The following GSDME variants were observed in gnomAD, a reference collection of about 807,000 sequenced individuals.
The protein encoded by GSDME is gasdermin-E.
Under a neutral mutation model 47.5 loss-of-function variants are expected in GSDME, and 44 were observed. That is an observed-to-expected ratio of 0.93 (90% CI 0.73 to 1.19). The LOEUF is 1.19. Ranked by LOEUF, GSDME falls within the 50% of genes most tolerant of loss-of-function variation. The pLI is 0.00. For synonymous variants in GSDME, 258 were observed against 252.8 expected (o/e 1.02, Z -0.20); for missense variants, 663 against 604.2 (o/e 1.10, Z -1.02).
At chr7:24,701,090 T>G (rs1290575152) in intron 9 of GSDME, among the ~76,000 whole-genome samples, 1 of 152,194 alleles carries the variant, frequency 6.6e-6, no homozygotes, top group Non-Finnish European at 1.5e-5. Context: ...CTCTCAAAGT[T>G]ACCCTGGCTA....
At position 24,733,346 on chromosome 7, in the gene GSDME, G is replaced by C. The variant is rs968220877; in HGVS notation, c.404+11216C>G. Among the ~76,000 whole-genome samples, 3 of 152,038 alleles carry C rather than the reference G, an allele frequency of 2.0e-5. No individual in the cohort carries two copies. The highest frequency in any genetic ancestry group is 7.2e-5 in the African/African-American group (3 of 41,384). Reference sequence around the variant, plus strand: ...CCCAGCTGTGGTCAGGTGTGACTCGGCACTTTCACAGCTGTGCTGGCTATG... The same window carrying C: ...CCCAGCTGTGGTCAGGTGTGACTCGCCACTTTCACAGCTGTGCTGGCTATG... On this transcript the variant is annotated intron_variant, in intron 3 of 9. Transcript: ENST00000645220. This position sits in a 1 kb window ranked among gnomAD's most constrained non-coding sequence, Gnocchi z 4.3.
intron 2 of GSDME, among the ~76,000 whole-genome samples, chr7:24,749,329 C>T (rs763405328): frequency 1.3e-5 from 2 of 152,014 alleles, no homozygotes; most frequent in African/African-American, 2.4e-5. Flanking sequence ...CGGTGAAACA[C>T]TGTCTCTACT....
Position 24,705,882 on chromosome 7 carries a change from G to A in GSDME, c.1183+302C>T. 2.1e-6 allele frequency: 1 copy of A among 465,506 alleles called. No homozygotes were observed. 28.8% of individuals were successfully genotyped at this position (465,506 alleles called of 1,614,324 possible). On this transcript the variant is annotated intron_variant, in intron 8 of 9. Coordinates refer to ENST00000645220, the MANE Select transcript of GSDME (RefSeq NM_001127453.2). This position sits in a 1 kb window ranked among gnomAD's most constrained non-coding sequence, Gnocchi z 4.1. ...GGGACTCCGGAGTGAACCACAGCCT[G>A]TCAGGGAGATGCTTGCTTTTGTAGG...
At chr7:24,774,414 C>T in the GSDME span, among the ~76,000 whole-genome samples, 2 of 150,898 alleles carry the variant, frequency 1.3e-5, no homozygotes, top group Non-Finnish European at 3.0e-5. Context: ...TCCCAAAATA[C>T]TTCATGCTTT....
chr7:24,788,490 C>T, the GSDME span, among the ~76,000 whole-genome samples: 1 of 152,206 alleles, frequency 6.6e-6, no homozygotes, highest in East Asian at 1.9e-4. The surrounding 1 kb of genome is among the most constrained non-coding windows in gnomAD (Gnocchi z 4.6). Context: ...TATAAGTAGT[C>T]CCTTCATTTA....
At chr7:24,768,313 T>A in the GSDME span, among the ~76,000 whole-genome samples, 1 of 151,898 alleles carries the variant, frequency 6.6e-6, no homozygotes, top group African/African-American at 2.4e-5. The surrounding 1 kb of genome is among the most constrained non-coding windows in gnomAD (Gnocchi z 5.6). Context: ...ATGGTAAGAT[T>A]TAGCATAGGG....
rs764666243 is a variant in GSDME, at chr7:24,744,708, G to C, written c.258C>G (p.Asn86Lys). 1 of 1,614,126 alleles carries C rather than the reference G, an allele frequency of 6.2e-7. No individual in the cohort carries two copies. The highest frequency in any genetic ancestry group is 8.5e-7 in the Non-Finnish European group (1 of 1,180,034). The change falls in exon 3 of 10, where the codon AAC becomes AAG. Residue 86 changes from asparagine (N) to lysine (K), a missense_variant. Coordinates refer to ENST00000645220, the MANE Select transcript of GSDME (RefSeq NM_001127453.2). This position sits in a 1 kb window ranked among gnomAD's most constrained non-coding sequence, Gnocchi z 4.5. ...CAGTCTCCAGGGTTCCACTCACGTG[G>C]TTTGCAAACTTGCCCTCGTATTTCA... ...DFVKYEGKFANHVSGTLETAL... is the reference protein window; with the variant it reads ...DFVKYEGKFAKHVSGTLETAL...
chr7:24,701,563 C>A (rs1229499243), intron 9 of GSDME, among the ~76,000 whole-genome samples: 2 of 151,992 alleles, frequency 1.3e-5, no homozygotes, highest in East Asian at 3.8e-4. Context: ...TTGGGAAGGA[C>A]TAACTTAGTA....
At chr7:24,700,478 A>T (rs139108943) in intron 9 of GSDME, among the ~76,000 whole-genome samples, 1 of 152,188 alleles carries the variant, frequency 6.6e-6, no homozygotes, top group Non-Finnish European at 1.5e-5. Context: ...TAAGCCTAGA[A>T]AGTTTGCCTG....
chr7:24,708,161 A>G lies in GSDME; in HGVS notation c.956T>C (p.Phe319Ser), dbSNP rs376722649. Residue 319 changes from phenylalanine (F) to serine (S), a missense_variant, in exon 7 of 10, where the codon TTT (phenylalanine) becomes TCT (serine). Phe to Ser is a radical substitution (Grantham distance 155). Coordinates refer to ENST00000645220, the MANE Select transcript of GSDME (RefSeq NM_001127453.2). ...ALSDIFQAVL[F>S]DDELLMVLEP... ...CAGGACCATGAGTAGTTCATCATCA[A>G]ATAGGACCGCCTGGAAGATGTCACT... The G allele has an allele frequency of 2.3e-5, 37 of 1,614,032 alleles. No homozygotes were observed. The African/African-American group carries it at 2.7e-4, about 12-fold the overall frequency.
At position 24,725,700 on chromosome 7, in the gene GSDME, T is replaced by C. The variant is rs1300647577; in HGVS notation, c.405-6482A>G. 6.6e-6 allele frequency among the ~76,000 whole-genome samples: 1 copy of C among 152,210 alleles called. No individual in the cohort carries two copies. Among genetic ancestry groups the C allele is most frequent in the Non-Finnish European group, 1.5e-5 (1 of 68,042 alleles). On this transcript the variant is annotated intron_variant, in intron 3 of 9. Transcript: ENST00000645220. The surrounding 1 kb of genome is among the most constrained non-coding windows in gnomAD (Gnocchi z 5.1). ...TTTCACAGTGCTTTTCTATACAGTGTCTGTAATGTATAGATAACATAACTG... is the reference window on the plus strand; with the variant it reads ...TTTCACAGTGCTTTTCTATACAGTGCCTGTAATGTATAGATAACATAACTG...
chr7:24,731,455 C>T (rs1019182684), intron 3 of GSDME, among the ~76,000 whole-genome samples: 5 of 152,190 alleles, frequency 3.3e-5, no homozygotes, highest in Non-Finnish European at 5.9e-5. Context: ...ACCTCCTCCA[C>T]GGGAGAGGAA....
At chr7:24,749,500 A>C in intron 2 of GSDME, 64 bp downstream of exon 2, 2 of 798,268 alleles carry the variant, frequency 2.5e-6, no homozygotes, top group Non-Finnish European at 3.5e-6. Flanking sequence ...TCTGTGTCAA[A>C]AAAAAAAAAA....
chr7:24,743,398 G>T (rs1790549235), intron 3 of GSDME, among the ~76,000 whole-genome samples: 1 of 152,174 alleles, frequency 6.6e-6, no homozygotes, highest in Non-Finnish European at 1.5e-5. Context: ...AAATTACACA[G>T]GAAAATGCAC....
chr7:24,701,010 AC>A (rs1788842970), intron 9 of GSDME, among the ~76,000 whole-genome samples: 1 of 152,210 alleles, frequency 6.6e-6, no homozygotes, highest in Non-Finnish European at 1.5e-5. Flanking sequence ...ATTCTAACTC[AC>A]CCTTTCACCA....
At chr7:24,749,968 T>C (rs1431176795) in intron 1 of GSDME, among the ~76,000 whole-genome samples, 175 bp from the exon 2 acceptor site, 1 of 152,108 alleles carries the variant, frequency 6.6e-6, no homozygotes, top group African/African-American at 2.4e-5. Context: ...ATAGAGATAT[T>C]GAAAGAACAT....
Position 24,739,530 on chromosome 7 carries a change from G to A in GSDME, c.404+5032C>T, listed in dbSNP as rs915542136. On this transcript the variant is annotated intron_variant, in intron 3 of 9. Coordinates refer to ENST00000645220, the MANE Select transcript of GSDME (RefSeq NM_001127453.2). This position sits in a 1 kb window ranked among gnomAD's most constrained non-coding sequence, Gnocchi z 5.1. ...GGGAATGCCTGTACACTGTTGGTGG[G>A]AATGTAATGCAAATTACTACACTAT... 6.6e-6 allele frequency among the ~76,000 whole-genome samples: 1 copy of A among 152,174 alleles called. No homozygotes were observed. The highest frequency in any genetic ancestry group is 1.5e-5 in the Non-Finnish European group (1 of 68,020).
intron 4 of GSDME, 120 bp from the exon 5 acceptor site, chr7:24,717,494 G>T (rs887408129): frequency 6.8e-7 from 1 of 1,463,166 alleles, no homozygotes; most frequent in Non-Finnish European, 9.3e-7. Context: ...CCACAGAACC[G>T]AGTGGAACAG....
In GSDME at chr7:24,705,999, G is replaced by A. The variant is rs1400782112; in HGVS notation, c.1183+185C>T. 1.4e-6 allele frequency: 1 copy of A among 706,638 alleles called. No individual in the cohort carries two copies. Among genetic ancestry groups the A allele is most frequent in the Non-Finnish European group, 2.4e-6 (1 of 418,802 alleles). 43.8% of individuals were successfully genotyped at this position (706,638 alleles called of 1,614,324 possible). A position where few individuals can be genotyped will look rare whatever the true frequency, so the allele number is the denominator to read the frequency against. Reference sequence around the variant, plus strand: ...GGCTTGTGCTGGATGGAAAGGCACAGACTCGAGACCGAAGGGGGGTTTCCC... The same window carrying A: ...GGCTTGTGCTGGATGGAAAGGCACAAACTCGAGACCGAAGGGGGGTTTCCC... On this transcript the variant is annotated intron_variant, in intron 8 of 9. Coordinates refer to ENST00000645220, the MANE Select transcript of GSDME (RefSeq NM_001127453.2). The surrounding 1 kb of genome is among the most constrained non-coding windows in gnomAD (Gnocchi z 4.1).
Sources: gnomAD v4.1 joint callset for allele counts (sites outside exome capture counted in the v4.1 genomes callset) on GRCh38, gnomAD v4.1.1 for gene constraint, Gnocchi (gnomAD v3.1) non-coding constraint, MANE v1.5 for transcripts, NCBI Gene and HGNC (gene_info 2026-07-23, HGNC 2026-07-21) for gene names.